NBPF12: variants seen among roughly 807,000 people sequenced by gnomAD.
The protein encoded by NBPF12 is NBPF member 12.
A neutral mutation model predicts 146.4 loss-of-function variants in NBPF12; 115 were observed. That is an observed-to-expected ratio of 0.79 (90% CI 0.68 to 0.92). NBPF12 has a LOEUF of 0.92. NBPF12 is among the 40% of genes least tolerant of loss of function. The probability of loss-of-function intolerance (pLI) is 0.00; values close to 1 mark genes in which losing one functional copy is unlikely to be tolerated. For missense variants in NBPF12, 1,205 were observed against 1,326.8 expected (o/e 0.91, Z 1.43); for synonymous variants, 385 against 508.9 (o/e 0.76, Z 3.28).
intron 19 of NBPF12, among the ~76,000 whole-genome samples, chr1:146,982,206 C>A (rs1209116652): frequency 8.0e-6 from 1 of 124,662 alleles, no homozygotes; most frequent in Non-Finnish European, 1.6e-5. Flanking sequence ...TACCCTTGGT[C>A]TTTGATGATG....
chr1:146,971,848 G>C (rs1656642165), intron 13 of NBPF12, among the ~76,000 whole-genome samples: 1 of 150,098 alleles, frequency 6.7e-6, no homozygotes, highest in African/African-American at 2.5e-5. Context: ...GGGAGGCCGA[G>C]GCGGGTGGAT....
Position 146,967,782 on chromosome 1 carries a change from G to C in NBPF12, c.989-666G>C, listed in dbSNP as rs1178191276. Reference sequence around the variant, plus strand: ...TGTAAATTGCTACAGTGAATTACATGAGCTATTTCTTGTCAATCTCATAGA... The same window carrying C: ...TGTAAATTGCTACAGTGAATTACATCAGCTATTTCTTGTCAATCTCATAGA... On this transcript the variant is annotated intron_variant, in intron 9 of 33. Coordinates refer to ENST00000617844, the Ensembl canonical transcript of NBPF12. Among the ~76,000 whole-genome samples, 12 of 150,400 alleles carry C rather than the reference G, an allele frequency of 8.0e-5. 1 individual carries two copies. Among genetic ancestry groups the C allele is most frequent in the Admixed American group, 2.7e-4 (4 of 14,998 alleles).
At chr1:146,968,693 T>A (rs1464793701) in intron 10 of NBPF12, 143 bp downstream of exon 13, 5 of 736,600 alleles carry the variant, frequency 6.8e-6, no homozygotes, top group Admixed American at 2.2e-5. Context: ...CACAAATATT[T>A]ATCAAACAGA....
intron 2 of NBPF12, among the ~76,000 whole-genome samples, chr1:146,957,841 A>AAT (rs1553884492): frequency 0.16 from 18,567 of 116,238 alleles, 3,827 homozygotes; most frequent in Admixed American, 0.29. Flanking sequence ...AAAAAAATAT[A>AAT]ATATATATAT....
intron 4 of NBPF12, among the ~76,000 whole-genome samples, chr1:146,960,603 C>T (rs1399462763): frequency 4.6e-5 from 7 of 151,966 alleles, no homozygotes; most frequent in Non-Finnish European, 7.3e-5. Context: ...GAGGCTCAAT[C>T]GTGTTTTCAA....
chr1:146,940,092 G>T (rs1193796652), intron 1 of NBPF12, among the ~76,000 whole-genome samples: 7 of 152,044 alleles, frequency 4.6e-5, no homozygotes, highest in Admixed American at 3.9e-4. Context: ...CGAAGTTAAG[G>T]AAAACTGATG....
At chr1:146,981,019 C>G (rs1244952880) in intron 19 of NBPF12, among the ~76,000 whole-genome samples, 1 of 138,000 alleles carries the variant, frequency 7.2e-6, no homozygotes, top group Non-Finnish European at 1.5e-5. Context: ...TCTCAGCAAA[C>G]TATTGCAAGG....
chr1:146,969,129 C>A, intron 10 of NBPF12, among the ~76,000 whole-genome samples: 1 of 151,104 alleles, frequency 6.6e-6, no homozygotes, highest in Admixed American at 6.6e-5. Context: ...TAGGAAGACA[C>A]CTACTTTTGT....
upstream of NBPF12, among the ~76,000 whole-genome samples, chr1:146,946,931 G>T (rs1473038543): frequency 3.9e-5 from 6 of 151,972 alleles, no homozygotes; most frequent in Admixed American, 6.6e-5. Context: ...AGTTGGAAAG[G>T]CTATCTTTGC....
chr1:146,938,542 T>C (rs1277539488), upstream of NBPF12, among the ~76,000 whole-genome samples: 14 of 152,090 alleles, frequency 9.2e-5, no homozygotes, highest in Non-Finnish European at 1.9e-4. Flanking sequence ...CGCTCCGTCC[T>C]CCATTACTCG....
chr1:146,970,778 G>T (rs1656552986), intron 12 of NBPF12, 59 bp downstream of exon 15: 1 of 1,251,516 alleles, frequency 8.0e-7, no homozygotes, highest in Non-Finnish European at 1.2e-6. Flanking sequence ...TGTCTAGGAG[G>T]CATGCCCTCT....
chr1:146,978,575 C>T (rs1420996613), intron 18 of NBPF12, among the ~76,000 whole-genome samples: 2 of 151,870 alleles, frequency 1.3e-5, no homozygotes, highest in Non-Finnish European at 2.9e-5. Flanking sequence ...ATCTATCAGT[C>T]GTGTTTCATG....
chr1:146,971,153 C>T, intron 12 of NBPF12, 30 bp from the exon 16 acceptor site: 1 of 1,610,506 alleles, frequency 6.2e-7, no homozygotes, highest in South Asian at 1.1e-5. Context: ...GTTTAATCTT[C>T]TGTCATCTCT....
At chr1:146,970,969 T>C (rs1656572614) in intron 12 of NBPF12, among the ~76,000 whole-genome samples, 1 of 151,346 alleles carries the variant, frequency 6.6e-6, no homozygotes, top group Non-Finnish European at 1.5e-5. Context: ...TCCAGTGCAC[T>C]GAACACCAGC....
rs587630954 is a variant in NBPF12 at position 146,994,313 on chromosome 1, G to C, written c.4131-19G>C. On this transcript the variant is annotated intron_variant, in intron 33 of 33. Coordinates refer to ENST00000617844, the Ensembl canonical transcript of NBPF12. Reference sequence around the variant, plus strand: ...CTGACTTTCCCTGGCTGCTTCTTTAGTTTTGTCTCCTTTTCCAGGCTCAAC... The same window carrying C: ...CTGACTTTCCCTGGCTGCTTCTTTACTTTTGTCTCCTTTTCCAGGCTCAAC... 9 of 1,611,412 alleles carry C rather than the reference G, an allele frequency of 5.6e-6. No homozygotes were observed. Among genetic ancestry groups the C allele is most frequent in the Non-Finnish European group, 5.9e-6 (7 of 1,179,748 alleles).
intron 19 of NBPF12, among the ~76,000 whole-genome samples, chr1:146,980,613 C>G (rs1192617290): frequency 1.3e-5 from 2 of 151,916 alleles, no homozygotes; most frequent in African/African-American, 2.4e-5. Context: ...GTTGAAAATT[C>G]TTTTCTTTAA....
intron 19 of NBPF12, among the ~76,000 whole-genome samples, chr1:146,980,784 A>ATTTC (rs1657322374): frequency 6.9e-6 from 1 of 145,284 alleles, no homozygotes; most frequent in Non-Finnish European, 1.5e-5. Flanking sequence ...TACTGGGTGT[A>ATTTC]TACCCAAAGG....
At chr1:146,955,534 C>CAGT in intron 2 of NBPF12, among the ~76,000 whole-genome samples, 1 of 95,018 alleles carries the variant, frequency 1.1e-5, no homozygotes, top group Non-Finnish European at 2.0e-5. Context: ...GGGAAACGGC[C>CAGT]TGGAAATTAT....
At chr1:146,963,523 G>A (rs1353125519) in intron 6 of NBPF12, among the ~76,000 whole-genome samples, 1 of 152,038 alleles carries the variant, frequency 6.6e-6, no homozygotes, top group Non-Finnish European at 1.5e-5. Flanking sequence ...TTCCTTGATG[G>A]AAGGTGGTCT....
Sources: gnomAD v4.1 joint callset for allele counts (sites outside exome capture counted in the v4.1 genomes callset) on GRCh38, gnomAD v4.1.1 for gene constraint, MANE v1.5 for transcripts, NCBI Gene and HGNC (gene_info 2026-07-23, HGNC 2026-07-21) for gene names.